The following NCOA1 variants were observed in gnomAD, a reference collection of about 807,000 sequenced individuals.
NCOA1 encodes nuclear receptor coactivator 1.
A neutral mutation model predicts 150.9 loss-of-function variants in NCOA1; 35 were observed. The ratio of observed to expected loss-of-function variants is 0.23; its 90% CI spans 0.18 to 0.31. The LOEUF (loss-of-function observed/expected upper bound fraction) is 0.31. Among genes scored for constraint, NCOA1 ranks in the 10% least tolerant of loss-of-function variants. The probability of loss-of-function intolerance (pLI) is 1.00; values close to 1 mark genes in which losing one functional copy is unlikely to be tolerated. For synonymous variants in NCOA1, 590 were observed against 630.0 expected, an observed-to-expected ratio of 0.94 and a Z score of 0.95; for missense variants, 1,491 against 1,749.3, an observed-to-expected ratio of 0.85 and a Z score of 2.63.
At chr2:24,631,030 G>A (rs1329262609) in intron 3 of NCOA1, among the ~76,000 whole-genome samples, 1 of 151,988 alleles carries the variant, frequency 6.6e-6, no homozygotes, top group Non-Finnish European at 1.5e-5. Context: ...TGTCATCATT[G>A]ATAAGAAAGT....
chr2:24,642,005 G>T (rs201946417), intron 3 of NCOA1, among the ~76,000 whole-genome samples: 1 of 65,664 alleles, frequency 1.5e-5, no homozygotes. Context: ...GATTACAGAG[G>T]GCGTGTGTGT....
intron 14 of NCOA1, among the ~76,000 whole-genome samples, chr2:24,715,917 C>T (rs529374182): frequency 3.3e-5 from 5 of 152,060 alleles, no homozygotes; most frequent in Admixed American, 1.3e-4. Flanking sequence ...CCGAGGCAGG[C>T]GGATCACAAG....
intron 3 of NCOA1, among the ~76,000 whole-genome samples, chr2:24,621,149 G>A (rs770091019): frequency 6.6e-6 from 1 of 152,040 alleles, no homozygotes; most frequent in Non-Finnish European, 1.5e-5. Context: ...GGTATGTGGG[G>A]GGTGGGGAGG....
At chr2:24,745,515 C>T (rs550815407) in intron 19 of NCOA1, among the ~76,000 whole-genome samples, 48 of 152,244 alleles carry the variant, frequency 3.2e-4, no homozygotes, top group Non-Finnish European at 6.5e-4. Flanking sequence ...AAATTGGTTT[C>T]TTTAGTGTAT....
chr2:24,741,700 C>A, intron 18 of NCOA1, 84 bp from the exon 19 acceptor site: 2 of 1,413,832 alleles, frequency 1.4e-6, no homozygotes, highest in Non-Finnish European at 1.9e-6. Flanking sequence ...TTGCCCCAAG[C>A]AAGTAGGCCT....
At chr2:24,660,463 TTTA>T (rs1671134653) in intron 5 of NCOA1, among the ~76,000 whole-genome samples, 1 of 152,006 alleles carries the variant, frequency 6.6e-6, no homozygotes, top group African/African-American at 2.4e-5. Flanking sequence ...ATGTGTGTAT[TTTA>T]TATATATACA....
intron 2 of NCOA1, among the ~76,000 whole-genome samples, chr2:24,567,752 T>A (rs909742810): frequency 7.2e-5 from 11 of 152,218 alleles, no homozygotes; most frequent in Admixed American, 6.5e-5. Context: ...ATTTCTTGTT[T>A]ATCAATTTCT....
intron 3 of NCOA1, among the ~76,000 whole-genome samples, chr2:24,626,595 T>C (rs1669422642): frequency 6.6e-6 from 1 of 152,120 alleles, no homozygotes; most frequent in Admixed American, 6.5e-5. Context: ...CTTTAAGTGG[T>C]AGAGATGAGG....
intron 11 of NCOA1, among the ~76,000 whole-genome samples, chr2:24,699,425 TTAAAG>T (rs1374497752): frequency 2.6e-5 from 4 of 152,210 alleles, no homozygotes; most frequent in Non-Finnish European, 5.9e-5. Flanking sequence ...AATGAATTGA[TTAAAG>T]TATTATAAGT....
At chr2:24,545,665 G>T (rs1665577766) in intron 1 of NCOA1, among the ~76,000 whole-genome samples, 1 of 152,224 alleles carries the variant, frequency 6.6e-6, no homozygotes, top group South Asian at 2.1e-4. Context: ...ATAGGATATA[G>T]CATTAAAGAA....
At chr2:24,492,405 C>T (rs1240558893) in intron 1 of NCOA1, among the ~76,000 whole-genome samples, 1 of 152,220 alleles carries the variant, frequency 6.6e-6, no homozygotes, top group Non-Finnish European at 1.5e-5. Context: ...CCAGTCCTTA[C>T]TACCCAGCTG....
At chr2:24,540,005 A>G (rs1665322693) in intron 1 of NCOA1, among the ~76,000 whole-genome samples, 1 of 152,182 alleles carries the variant, frequency 6.6e-6, no homozygotes, top group Non-Finnish European at 1.5e-5. Flanking sequence ...GGCTATATTC[A>G]TGTCTAGAAG....
intron 7 of NCOA1, among the ~76,000 whole-genome samples, chr2:24,682,293 C>T (rs911158816): frequency 6.6e-6 from 1 of 152,130 alleles, no homozygotes; most frequent in Non-Finnish European, 1.5e-5. Flanking sequence ...CTGGCTCTTC[C>T]TCGGGATACC....
rs369802310 is a variant in NCOA1 at position 24,680,611 on chromosome 2, A to G, written c.355-2340A>G. On this transcript the variant is annotated intron_variant, in intron 7 of 22. Transcript: ENST00000348332. ...GGAGGGATGTTGGTCAAAAGATGAA[A>G]ACCTTTCAATTAGATGGGAAGAATA... Among the ~76,000 whole-genome samples the G allele has an allele frequency of 3.7e-4, 57 of 152,252 alleles. No individual in the cohort carries two copies. The East Asian group carries it at 6.0e-3, about 16-fold the overall frequency.
At chr2:24,666,007 T>TTA in intron 6 of NCOA1, 92 bp downstream of exon 6, 1 of 756,236 alleles carries the variant, frequency 1.3e-6, no homozygotes. Context: ...ATTATTATTA[T>TTA]TTTATTATTA....
At chr2:24,554,355 T>C (rs1665984452) in intron 1 of NCOA1, 2 of 152,114 alleles carry the variant, frequency 1.3e-5, no homozygotes, top group African/African-American at 4.8e-5. Context: ...TGTTTGTTTG[T>C]TTTTGTTTTT....
chr2:24,629,075 G>A (rs901154875), intron 3 of NCOA1, among the ~76,000 whole-genome samples: 2 of 152,084 alleles, frequency 1.3e-5, no homozygotes, highest in African/African-American at 4.8e-5. Flanking sequence ...AGTTGAATGG[G>A]TATAAAGGTA....
At chr2:24,525,165 A>G (rs1362949583) in intron 1 of NCOA1, among the ~76,000 whole-genome samples, 1 of 152,108 alleles carries the variant, frequency 6.6e-6, no homozygotes, top group African/African-American at 2.4e-5. Context: ...TGGCCATTTT[A>G]GGGGAAGTAA....
intron 4 of NCOA1, among the ~76,000 whole-genome samples, chr2:24,647,119 C>G (rs1670512679): frequency 6.6e-6 from 1 of 151,992 alleles, no homozygotes; most frequent in Admixed American, 6.6e-5. Context: ...TTGTATACTA[C>G]CTAGTTTTTA....
Sources: allele counts gnomAD v4.1 joint callset (sites outside exome capture counted in the v4.1 genomes callset), GRCh38; gene constraint gnomAD v4.1.1; transcripts MANE v1.5; gene names NCBI Gene and HGNC (gene_info 2026-07-23, HGNC 2026-07-21).